Variants in CAPN9 observed in about 807,000 individuals in gnomAD.
CAPN9 encodes calpain-9.
A neutral mutation model predicts 92.8 loss-of-function variants in CAPN9; 81 were observed. The ratio of observed to expected loss-of-function variants is 0.87; its 90% CI spans 0.73 to 1.05. The LOEUF (loss-of-function observed/expected upper bound fraction) is 1.05. CAPN9 is among the 50% of genes least tolerant of loss of function. The probability of loss-of-function intolerance (pLI) is 0.00; values close to 1 mark genes in which losing one functional copy is unlikely to be tolerated. For synonymous variants in CAPN9, 304 were observed against 328.0 expected (o/e 0.93, Z 0.79); for missense variants, 848 against 866.2 (o/e 0.98, Z 0.26).
intron 19 of CAPN9, 116 bp from the exon 20 acceptor site, chr1:230,801,454 A>G (rs1668720777): frequency 1.0e-6 from 1 of 972,700 alleles, no homozygotes; most frequent in Non-Finnish European, 1.7e-6. Flanking sequence ...TTGGCAGGCA[A>G]AATGATCAAA....
intron 18 of CAPN9, among the ~76,000 whole-genome samples, chr1:230,797,924 T>C (rs955709325): frequency 6.6e-6 from 1 of 152,198 alleles, no homozygotes; most frequent in African/African-American, 2.4e-5. Context: ...GCCGGCTGAC[T>C]GGCTTAGGTG....
chr1:230,789,892 G>A (rs1196597154), intron 13 of CAPN9, among the ~76,000 whole-genome samples: 1 of 152,118 alleles, frequency 6.6e-6, no homozygotes, highest in African/African-American at 2.4e-5. Context: ...GCGCTTTCCT[G>A]GGTTGGGATG....
intron 3 of CAPN9, among the ~76,000 whole-genome samples, chr1:230,761,844 C>T (rs1665664831): frequency 6.6e-6 from 1 of 152,172 alleles, no homozygotes; most frequent in Admixed American, 6.5e-5. Context: ...AACCTCCCTT[C>T]CTGTTCCCAG....
chr1:230,788,360 G>A (rs1015867588), intron 13 of CAPN9, among the ~76,000 whole-genome samples: 31 of 152,164 alleles, frequency 2.0e-4, no homozygotes, highest in Admixed American at 1.7e-3. Context: ...ACACTGGATG[G>A]AGCCTCACAC....
At chr1:230,756,731 T>A (rs1369765892) in intron 2 of CAPN9, among the ~76,000 whole-genome samples, 1 of 151,392 alleles carries the variant, frequency 6.6e-6, no homozygotes, top group Admixed American at 6.6e-5. Flanking sequence ...AGCCGAGGAG[T>A]TCAAGACCAG....
At chr1:230,787,878 C>G (rs1447949300) in intron 13 of CAPN9, among the ~76,000 whole-genome samples, 1 of 152,206 alleles carries the variant, frequency 6.6e-6, no homozygotes, top group Non-Finnish European at 1.5e-5. Context: ...TTGCTTTAGA[C>G]AGAGTCTCAC....
chr1:230,794,015 G>A (rs1572093760), intron 17 of CAPN9, among the ~76,000 whole-genome samples: 1 of 152,152 alleles, frequency 6.6e-6, no homozygotes, highest in African/African-American at 2.4e-5. Context: ...CTGCCGTGCA[G>A]GCTCCAGGGA....
intron 13 of CAPN9, 88 bp downstream of exon 13, chr1:230,787,690 G>C: frequency 1.8e-6 from 2 of 1,121,520 alleles, no homozygotes; most frequent in Non-Finnish European, 2.7e-6. Flanking sequence ...GGGTTGGTCA[G>C]CAACGTCATC....
At chr1:230,751,406 A>G (rs1664754509) in intron 1 of CAPN9, among the ~76,000 whole-genome samples, 1 of 151,818 alleles carries the variant, frequency 6.6e-6, no homozygotes, top group Non-Finnish European at 1.5e-5. Flanking sequence ...GACAGAATGA[A>G]TGAAAAAGAA....
intron 11 of CAPN9, among the ~76,000 whole-genome samples, chr1:230,784,170 G>A (rs1253210452): frequency 6.6e-6 from 1 of 152,150 alleles, no homozygotes; most frequent in Non-Finnish European, 1.5e-5. Context: ...ACTTAAAGCT[G>A]GAATATATAC....
At chr1:230,800,228 AAAG>A (rs577192224) in intron 19 of CAPN9, among the ~76,000 whole-genome samples, 2,791 of 54,884 alleles carry the variant, frequency 0.051, 169 homozygotes, top group African/African-American at 0.064. Flanking sequence ...AATAAGAAAG[AAAG>A]AAGAAAGAAA....
chr1:230,788,159 G>A (rs936582466), intron 13 of CAPN9, among the ~76,000 whole-genome samples: 7 of 152,188 alleles, frequency 4.6e-5, no homozygotes, highest in African/African-American at 1.7e-4. Context: ...GGCCCCAGGT[G>A]CTTTCTTTGG....
Position 230,755,413 on chromosome 1 carries a change from G to T in CAPN9, c.283+7G>T, listed in dbSNP as rs185529342. On this transcript the variant is annotated splice_region_variant and intron_variant, in intron 2 of 19. Transcript: ENST00000271971. ...ATCTGCCAGGGAGAGCTGGGTGAGTGTAAGTGGATGGAGCATGGCGAGAGG... is the reference window on the plus strand; with the variant it reads ...ATCTGCCAGGGAGAGCTGGGTGAGTTTAAGTGGATGGAGCATGGCGAGAGG... The T allele has an allele frequency of 2.5e-6, 4 of 1,599,580 alleles. No homozygotes were observed. The highest frequency in any genetic ancestry group is 2.6e-6 in the Non-Finnish European group (3 of 1,172,840).
chr1:230,791,064 T>G (rs553727120), intron 14 of CAPN9, among the ~76,000 whole-genome samples: 6 of 152,390 alleles, frequency 3.9e-5, no homozygotes, highest in African/African-American at 1.4e-4. Context: ...GTCTCATTCC[T>G]TCTTACAGCC....
chr1:230,762,916 A>C, intron 4 of CAPN9, 130 bp downstream of exon 4: 1 of 951,856 alleles, frequency 1.1e-6, no homozygotes, highest in Non-Finnish European at 1.5e-6. Flanking sequence ...GCAGGACCCA[A>C]CCCTCTCAGG....
At chr1:230,786,254 C>T (rs764135813) in intron 12 of CAPN9, 39 of 685,512 alleles carry the variant, frequency 5.7e-5, no homozygotes, top group Non-Finnish European at 6.6e-5. Context: ...AAGTTCTGTT[C>T]GATGTCATCT....
At chr1:230,765,248 C>T (rs1327005598) in intron 4 of CAPN9, among the ~76,000 whole-genome samples, 1 of 142,424 alleles carries the variant, frequency 7.0e-6, no homozygotes, top group East Asian at 2.3e-4. Context: ...CACACACACA[C>T]ACACACACAC....
rs765771033 is a variant in CAPN9, at chr1:230,792,401, G to A, written c.1723-25G>A. The stretch of plus-strand genomic sequence containing the variant: ...AGCCTCAGGTTGAAACACTGCTCAT[G>A]TCTCCCTTAACCCACATGGCACAGA... On this transcript the variant is annotated intron_variant, in intron 15 of 19. Coordinates refer to ENST00000271971, the MANE Select transcript of CAPN9 (RefSeq NM_006615.3). 2.5e-6 allele frequency: 4 copies of A among 1,608,226 alleles called. No individual in the cohort carries two copies. In the South Asian group the frequency reaches 4.4e-5, roughly 18 times the overall value.
chr1:230,785,407 G>A (rs536004134), intron 11 of CAPN9, among the ~76,000 whole-genome samples: 1 of 152,296 alleles, frequency 6.6e-6, no homozygotes, highest in East Asian at 1.9e-4. Context: ...ATGTTGAATT[G>A]TAATCCCCAG....
Sources: gnomAD v4.1 joint callset for allele counts (sites outside exome capture counted in the v4.1 genomes callset) on GRCh38, gnomAD v4.1.1 for gene constraint, MANE v1.5 for transcripts, NCBI Gene and HGNC (gene_info 2026-07-23, HGNC 2026-07-21) for gene names.